Variants in MYO9A observed in about 807,000 individuals in gnomAD.
MYO9A encodes unconventional myosin-IXa.
In MYO9A, 103 loss-of-function variants were observed where a neutral mutation model predicts 293.3. The ratio of observed to expected loss-of-function variants is 0.35; its 90% CI spans 0.30 to 0.41. MYO9A has a LOEUF of 0.41. MYO9A is among the 10% of genes least tolerant of loss of function. The pLI is 1.00. For missense variants in MYO9A, 2,685 were observed against 3,033.0 expected (o/e 0.89, Z 2.69); for synonymous variants, 1,001 against 1,035.7 (o/e 0.97, Z 0.64).
At chr15:71,881,257 C>T (rs1017931115) in intron 28 of MYO9A, among the ~76,000 whole-genome samples, 1 of 152,014 alleles carries the variant, frequency 6.6e-6, no homozygotes. Flanking sequence ...CAACTTAGAA[C>T]TAGACCAGAT....
At chr15:71,940,312 T>C (rs1052083336) in intron 15 of MYO9A, among the ~76,000 whole-genome samples, 2 of 152,124 alleles carry the variant, frequency 1.3e-5, no homozygotes, top group African/African-American at 2.4e-5. Flanking sequence ...CTGGGCAACA[T>C]GCTGAAACCC....
chr15:72,025,709 G>A (rs1596406676), intron 4 of MYO9A, among the ~76,000 whole-genome samples: 1 of 152,050 alleles, frequency 6.6e-6, no homozygotes, highest in Non-Finnish European at 1.5e-5. Flanking sequence ...AATACTGAGA[G>A]ACTGCAATAC....
intron 9 of MYO9A, 39 bp from the exon 10 acceptor site, chr15:71,994,624 C>A (rs767150984): frequency 2.4e-6 from 3 of 1,254,700 alleles, no homozygotes; most frequent in Non-Finnish European, 3.4e-6. Context: ...GTAGAATTGA[C>A]AATGATTAAG....
intron 4 of MYO9A, among the ~76,000 whole-genome samples, chr15:72,026,436 T>C (rs1033223939): frequency 3.3e-5 from 5 of 150,850 alleles, no homozygotes; most frequent in Non-Finnish European, 5.9e-5. Flanking sequence ...ACTACACCAA[T>C]ACATGGAAAA....
chr15:72,080,252 A>G (rs2079498648), intron 1 of MYO9A, among the ~76,000 whole-genome samples: 1 of 151,716 alleles, frequency 6.6e-6, no homozygotes, highest in African/African-American at 2.4e-5. Flanking sequence ...GAGATGTGCT[A>G]TTATGATATA....
chr15:71,832,765 G>T (rs370299796), intron 39 of MYO9A, among the ~76,000 whole-genome samples: 217 of 152,302 alleles, frequency 1.4e-3, no homozygotes, highest in African/African-American at 4.6e-3. Flanking sequence ...TGAAACGTGA[G>T]TATGTTTAAA....
At chr15:72,077,066 C>T (rs1596520251) in intron 1 of MYO9A, among the ~76,000 whole-genome samples, 1 of 151,758 alleles carries the variant, frequency 6.6e-6, no homozygotes, top group Non-Finnish European at 1.5e-5. Context: ...ACACGTTTCA[C>T]CAAAAATTAA....
At chr15:71,973,806 A>G (rs566157733) in intron 12 of MYO9A, among the ~76,000 whole-genome samples, 9 of 152,316 alleles carry the variant, frequency 5.9e-5, no homozygotes, top group South Asian at 4.1e-4. Flanking sequence ...ATGAGCAGAT[A>G]TGGGGGTACT....
At chr15:71,965,444 T>C (rs1210952411) in intron 13 of MYO9A, among the ~76,000 whole-genome samples, 1 of 152,190 alleles carries the variant, frequency 6.6e-6, no homozygotes, top group Non-Finnish European at 1.5e-5. Context: ...TTATATATTT[T>C]AAATCAGTCA....
At chr15:72,004,532 G>A (rs983885766) in intron 8 of MYO9A, among the ~76,000 whole-genome samples, 1 of 152,036 alleles carries the variant, frequency 6.6e-6, no homozygotes, top group South Asian at 2.1e-4. Flanking sequence ...ACTCCAGCCT[G>A]GGCAACAACA....
intron 1 of MYO9A, among the ~76,000 whole-genome samples, chr15:72,113,127 A>G (rs2080841696): frequency 6.6e-6 from 1 of 152,242 alleles, no homozygotes; most frequent in South Asian, 2.1e-4. Context: ...AAGCACTGAT[A>G]TCATCCCTCT....
chr15:72,099,828 G>A (rs1164395070), intron 1 of MYO9A, among the ~76,000 whole-genome samples: 1 of 150,484 alleles, frequency 6.6e-6, no homozygotes, highest in African/African-American at 2.4e-5. Context: ...CTTGAACCCA[G>A]GAGGCTGAGG....
intron 15 of MYO9A, among the ~76,000 whole-genome samples, chr15:71,951,129 T>C (rs189961200): frequency 6.6e-6 from 1 of 152,264 alleles, no homozygotes; most frequent in African/African-American, 2.4e-5. Flanking sequence ...GCCAAAACAT[T>C]AATGCGGTGG....
chr15:71,855,725 A>C (rs377522186), intron 34 of MYO9A, among the ~76,000 whole-genome samples: 6 of 152,268 alleles, frequency 3.9e-5, no homozygotes, highest in East Asian at 1.9e-4. Context: ...CCCCAGCTCA[A>C]AACTATATCA....
At chr15:72,012,707 A>G (rs2077209432) in intron 6 of MYO9A, among the ~76,000 whole-genome samples, 1 of 152,174 alleles carries the variant, frequency 6.6e-6, no homozygotes, top group African/African-American at 2.4e-5. Flanking sequence ...CAGTTCATTC[A>G]CTTTATGATT....
chr15:72,056,850 C>T (rs1484682399), intron 1 of MYO9A, among the ~76,000 whole-genome samples: 1 of 152,146 alleles, frequency 6.6e-6, no homozygotes, highest in Non-Finnish European at 1.5e-5. Flanking sequence ...TGGCTCACAC[C>T]TGTAATCCCT....
intron 1 of MYO9A, among the ~76,000 whole-genome samples, chr15:72,059,754 A>C (rs1165429078): frequency 3.3e-5 from 5 of 152,184 alleles, no homozygotes. Context: ...TCTTTTCTAA[A>C]TGTTCAGGAA....
intron 32 of MYO9A, among the ~76,000 whole-genome samples, chr15:71,874,511 T>C (rs1247400476): frequency 6.6e-6 from 1 of 152,200 alleles, no homozygotes; most frequent in East Asian, 1.9e-4. Context: ...GTAAGAACTT[T>C]GGGTTTCATT....
chr15:72,004,062 C>T (rs948025941), intron 8 of MYO9A, among the ~76,000 whole-genome samples: 13 of 152,148 alleles, frequency 8.5e-5, no homozygotes, highest in Non-Finnish European at 1.6e-4. Context: ...ACTAATCTTG[C>T]ATATCATATT....
Sources: allele counts gnomAD v4.1 joint callset (sites outside exome capture counted in the v4.1 genomes callset), GRCh38; gene constraint gnomAD v4.1.1; transcripts MANE v1.5; gene names NCBI Gene and HGNC (gene_info 2026-07-23, HGNC 2026-07-21).